GALNT14: variants seen among roughly 807,000 people sequenced by gnomAD.
GALNT14 encodes the protein polypeptide N-acetylgalactosaminyltransferase 14.
GALNT14 carries 60 observed loss-of-function variants against 77.5 expected under a neutral mutation model. The ratio of observed to expected loss-of-function variants is 0.77; its 90% CI spans 0.63 to 0.96. GALNT14 has a LOEUF of 0.96. GALNT14 is among the 40% of genes least tolerant of loss of function. The pLI, the probability that GALNT14 is intolerant of heterozygous loss-of-function variation, is 0.00. For synonymous variants in GALNT14, 280 were observed against 281.7 expected (o/e 0.99, Z 0.06); for missense variants, 710 against 731.0 (o/e 0.97, Z 0.33).
At chr2:31,085,471 C>T (rs1676382547) in intron 1 of GALNT14, among the ~76,000 whole-genome samples, 1 of 152,246 alleles carries the variant, frequency 6.6e-6, no homozygotes, top group Non-Finnish European at 1.5e-5. Context: ...CAGGGAGGCA[C>T]AGGGCCACAG....
chr2:30,995,852 A>C (rs1005908245), intron 1 of GALNT14, among the ~76,000 whole-genome samples: 1 of 152,158 alleles, frequency 6.6e-6, no homozygotes, highest in East Asian at 1.9e-4. Context: ...ACAGAAAAAT[A>C]TGTATTATAA....
Position 30,977,914 on chromosome 2 carries a change from C to T in GALNT14, c.300-11612G>A, listed in dbSNP as rs140235871. Among the ~76,000 whole-genome samples the T allele has an allele frequency of 5.6e-3, 858 of 152,292 alleles. 4 individuals are homozygous for T. The highest frequency in any genetic ancestry group is 0.012 in the South Asian group (57 of 4,822). ...TTGCCCTCCTGCAACAGCTTCCTAACTATTCTTCCCGCCTGCAGAAGAGTC... is the reference window on the plus strand; with the variant it reads ...TTGCCCTCCTGCAACAGCTTCCTAATTATTCTTCCCGCCTGCAGAAGAGTC... On this transcript the variant is annotated intron_variant, in intron 2 of 14. Coordinates refer to ENST00000349752, the MANE Select transcript of GALNT14 (RefSeq NM_024572.4).
In GALNT14 at chr2:30,929,481, G is replaced by A. The variant is rs1189640495; in HGVS notation, c.1065C>T (p.Thr355=). The part of the protein sequence containing the change: ...DGNANTYIKN[T]KRTAEVWMDE... ...CCATCCACACTTCAGCTGTCCGCTT[G>A]GTGTTCCTGGGAAAACAAGGAGTGA... Residue 355 remains threonine, a synonymous_variant, in exon 11 of 15, where the codon ACC becomes ACT. Coordinates refer to ENST00000349752, the MANE Select transcript of GALNT14 (RefSeq NM_024572.4). 2 of 1,613,426 alleles carry A rather than the reference G, an allele frequency of 1.2e-6. No homozygotes were observed. Among genetic ancestry groups the A allele is most frequent in the Non-Finnish European group, 1.7e-6 (2 of 1,179,642 alleles).
chr2:31,075,290 G>A (rs1675694548), intron 1 of GALNT14, among the ~76,000 whole-genome samples: 1 of 152,200 alleles, frequency 6.6e-6, no homozygotes, highest in South Asian at 2.1e-4. Flanking sequence ...AGAACCTTGA[G>A]CCAATTAAAC....
intron 1 of GALNT14, chr2:31,129,736 G>GGGGGGGGGGTTGGC: frequency 1.5e-6 from 1 of 645,810 alleles, no homozygotes; most frequent in Non-Finnish European, 1.9e-6. Flanking sequence ...GGGTGGGAGG[G>GGGGGGGGGGTTGGC]ACATCAATGA....
At chr2:31,070,147 T>C (rs775805476) in intron 1 of GALNT14, among the ~76,000 whole-genome samples, 9 of 152,160 alleles carry the variant, frequency 5.9e-5, no homozygotes, top group Admixed American at 2.6e-4. Flanking sequence ...TGGCAGGGCA[T>C]ACAGTGGGAT....
intron 1 of GALNT14, among the ~76,000 whole-genome samples, chr2:31,011,894 A>G (rs1372197262): frequency 2.0e-5 from 3 of 152,200 alleles, no homozygotes; most frequent in African/African-American, 7.2e-5. Context: ...TCTGGCTGCC[A>G]TAACGCTCAG....
At position 31,083,878 on chromosome 2, in the gene GALNT14, G is replaced by A. The variant is rs543656690; in HGVS notation, c.129+54080C>T. ...CTCCCGCTCATGCTGCTGCTGCTGA[G>A]TCTCAAAACAGCCAAAGCAAGGAGA... On this transcript the variant is annotated intron_variant, in intron 1 of 14. Transcript: ENST00000349752. 7.7e-4 allele frequency among the ~76,000 whole-genome samples: 118 copies of A among 152,328 alleles called. 1 individual carries two copies. The highest frequency in any genetic ancestry group is 1.2e-3 in the Non-Finnish European group (82 of 68,028).
chr2:31,112,303 G>A (rs147357321), intron 1 of GALNT14, among the ~76,000 whole-genome samples: 209 of 152,286 alleles, frequency 1.4e-3, no homozygotes, highest in African/African-American at 4.7e-3. Context: ...CTGGTACATC[G>A]GAGCCAACCT....
chr2:30,924,944 A>T, intron 11 of GALNT14, 121 bp from the exon 12 acceptor site: 1 of 682,608 alleles, frequency 1.5e-6, no homozygotes, highest in Non-Finnish European at 2.6e-6. Context: ...CTCTGTGCTC[A>T]CATCTCTCTG....
chr2:31,032,687 G>C (rs1672492113), intron 1 of GALNT14, among the ~76,000 whole-genome samples: 1 of 152,122 alleles, frequency 6.6e-6, no homozygotes, highest in Non-Finnish European at 1.5e-5. Flanking sequence ...CTCTTTCCCA[G>C]CACAGGAAGT....
chr2:30,911,478 G>A (rs1254258685), intron 14 of GALNT14, among the ~76,000 whole-genome samples: 2 of 152,126 alleles, frequency 1.3e-5, no homozygotes, highest in South Asian at 2.1e-4. Context: ...GTCAGCACAC[G>A]ACGGGCCAGA....
At chr2:30,944,449 C>T (rs1666565378) in intron 8 of GALNT14, among the ~76,000 whole-genome samples, 1 of 152,230 alleles carries the variant, frequency 6.6e-6, no homozygotes, top group South Asian at 2.1e-4. Context: ...ATATTGGCCT[C>T]CACTTACAGC....
At chr2:30,902,831 G>C in the GALNT14 span, among the ~76,000 whole-genome samples, 1 of 152,176 alleles carries the variant, frequency 6.6e-6, no homozygotes, top group African/African-American at 2.4e-5. Flanking sequence ...ACAGAGGACA[G>C]ATGAGGACGA....
intron 1 of GALNT14, among the ~76,000 whole-genome samples, chr2:31,048,578 G>A (rs1200713450): frequency 6.8e-6 from 1 of 147,312 alleles, no homozygotes; most frequent in Non-Finnish European, 1.5e-5. Context: ...CAGGCCCTGG[G>A]ACTGCCTCCC....
At chr2:30,944,139 C>T (rs1227869875) in intron 8 of GALNT14, among the ~76,000 whole-genome samples, 2 of 152,176 alleles carry the variant, frequency 1.3e-5, no homozygotes, top group Non-Finnish European at 2.9e-5. Flanking sequence ...TCCCAAGAGG[C>T]CCGGGACTGG....
At chr2:31,087,282 T>C (rs1676477551) in intron 1 of GALNT14, among the ~76,000 whole-genome samples, 1 of 152,208 alleles carries the variant, frequency 6.6e-6, no homozygotes, top group Admixed American at 6.5e-5. Flanking sequence ...CAATTCTGTC[T>C]GGAAGTATTA....
intron 1 of GALNT14, among the ~76,000 whole-genome samples, chr2:31,022,232 GAAGA>G (rs2148462582): frequency 6.6e-6 from 1 of 152,340 alleles, no homozygotes; most frequent in South Asian, 2.1e-4. Flanking sequence ...GATTTTCTCA[GAAGA>G]AATAATGACA....
At chr2:31,095,033 A>G (rs553874176) in intron 1 of GALNT14, among the ~76,000 whole-genome samples, 1 of 152,308 alleles carries the variant, frequency 6.6e-6, no homozygotes, top group East Asian at 1.9e-4. Flanking sequence ...AAGTCAATGA[A>G]CATATTCTAG....
Sources: allele counts gnomAD v4.1 joint callset (sites outside exome capture counted in the v4.1 genomes callset), GRCh38; gene constraint gnomAD v4.1.1; transcripts MANE v1.5; gene names NCBI Gene and HGNC (gene_info 2026-07-23, HGNC 2026-07-21).